Variants in ISYNA1 observed in about 807,000 individuals in gnomAD.
ISYNA1 encodes the protein MI-1-P synthase.
Under a neutral mutation model 50.3 loss-of-function variants are expected in ISYNA1, and 34 were observed. That is an observed-to-expected ratio of 0.68 (90% CI 0.51 to 0.90). The LOEUF (loss-of-function observed/expected upper bound fraction) is 0.90, where lower values mean the gene tolerates loss of function less well. ISYNA1 is among the 40% of genes least tolerant of loss of function. The pLI is 0.00. For missense variants in ISYNA1, 718 were observed against 784.8 expected (o/e 0.91, Z 1.02); for synonymous variants, 396 against 349.9 (o/e 1.13, Z -1.47).
Position 18,437,990 on chromosome 19 carries a change from T to C in ISYNA1, c.-9-2A>G. On this transcript the variant is annotated splice_acceptor_variant, in intron 1 of 10. Coordinates refer to ENST00000338128, the MANE Select transcript of ISYNA1 (RefSeq NM_016368.5). LOFTEE classifies it low-confidence loss of function (5UTR_SPLICE). ...GGCGGCGGCCTCCATCGCGGCGGGC[T>C]GGGGGCCCGGGGTGAGCAGGGGGTC... 2 of 1,559,222 alleles carry C rather than the reference T, an allele frequency of 1.3e-6. No homozygotes were observed. The highest frequency in any genetic ancestry group is 8.7e-7 in the Non-Finnish European group (1 of 1,154,522).
chr19:18,436,657 A>G (rs368377568), intron 5 of ISYNA1, 27 bp downstream of exon 5: 27 of 1,582,124 alleles, frequency 1.7e-5, no homozygotes, highest in Non-Finnish European at 2.3e-5. Context: ...GGTGGCAGGA[A>G]GCAAGGGATG....
rs759134098 is a variant in ISYNA1 at position 18,436,546 on chromosome 19, C to T, written c.610-67G>A. On this transcript the variant is annotated intron_variant, in intron 5 of 10. Transcript: ENST00000338128. ...TGTAGGGAAGTTGGTTGTACATACT[C>T]TCGGACTCACAGAGGCCTGGGCTAC... 5.6e-6 allele frequency: 9 copies of T among 1,598,702 alleles called. No homozygotes were observed. In the South Asian group the frequency reaches 8.8e-5, roughly 16 times the overall value.
chr19:18,437,337 C>T, intron 3 of ISYNA1: 1 of 1,401,738 alleles, frequency 7.1e-7, no homozygotes, highest in South Asian at 1.6e-5. Flanking sequence ...TCGCGAAACC[C>T]TTCCACGGGG....
Position 18,437,604 on chromosome 19 carries a change from G to C in ISYNA1, c.277C>G (p.Arg93Gly). 6.9e-7 allele frequency: 1 copy of C among 1,446,188 alleles called. No homozygotes were observed. The highest frequency in any genetic ancestry group is 9.1e-7 in the Non-Finnish European group (1 of 1,096,642). 89.6% of individuals were successfully genotyped at this position (1,446,188 alleles called of 1,614,324 possible). A position where few individuals can be genotyped will look rare whatever the true frequency, so the allele number is the denominator to read the frequency against. Residue 93 changes from arginine (R) to glycine (G), a missense_variant, in exon 3 of 11, where the codon CGC becomes GGC. Coordinates refer to ENST00000338128, the MANE Select transcript of ISYNA1 (RefSeq NM_016368.5). ...CACGCCCCTCCCGCCCCCACCTTGC[G>C]GCCGCTGCGCGTGGGCCAGGACAAA... ...LRLSWPTRSG[R>G]KEANYYGSLT...
In ISYNA1 at chr19:18,437,078, G is replaced by C; in HGVS notation, c.310C>G (p.Gln104Glu). Residue 104 changes from glutamine (Q) to glutamate (E), a missense_variant, in exon 4 of 11, where the codon CAG becomes GAG. By Grantham distance (29) the Gln-to-Glu change is conservative (BLOSUM62 2). Coordinates refer to ENST00000338128, the MANE Select transcript of ISYNA1 (RefSeq NM_016368.5). ...AGGCCCAGGCTCACGGTGCCCGCCT[G>C]AGTCAGCGAGCCGTAGTAGTTGGCC... is the stretch of plus-strand genomic sequence containing the variant. ...KEANYYGSLT[Q>E]AGTVSLGLDA... 6.4e-7 allele frequency: 1 copy of C among 1,573,948 alleles called. No individual in the cohort carries two copies. Among genetic ancestry groups the C allele is most frequent in the Non-Finnish European group, 8.6e-7 (1 of 1,163,778 alleles).
chr19:18,437,869 G>A lies in ISYNA1; in HGVS notation c.111C>T (p.Gly37=), dbSNP rs1211556544. ...CAGCCCCCTGGTCCACCTTGAGAAC[G>A]CCACCCTCGCGGCTGACGCGCGTCG... ...YRTTRVSREG[G]VLKVHPTSTR... is the part of the protein sequence containing the mutation. The change falls in exon 2 of 11, where the codon GGC becomes GGT. Residue 37 remains glycine (G), a synonymous_variant. Transcript: ENST00000338128. The A allele has an allele frequency of 1.2e-6, 2 of 1,611,738 alleles. No individual in the cohort carries two copies. The highest frequency in any genetic ancestry group is 1.7e-6 in the Non-Finnish European group (2 of 1,179,786).
In ISYNA1 at chr19:18,437,040, G is replaced by A. The variant is rs2144857146; in HGVS notation, c.348C>T (p.Gly116=). ...CGCTGAAGGGTACGAACACCTCCTGGCCCTCGGCGTCCAGGCCCAGGCTCA... is the reference window on the plus strand; with the variant it reads ...CGCTGAAGGGTACGAACACCTCCTGACCCTCGGCGTCCAGGCCCAGGCTCA... The part of the protein sequence containing the change: ...GTVSLGLDAE[G]QEVFVPFSAV... Residue 116 remains glycine (G), a synonymous_variant, in exon 4 of 11, where the codon GGC becomes GGT. Coordinates refer to ENST00000338128, the MANE Select transcript of ISYNA1 (RefSeq NM_016368.5). The A allele has an allele frequency of 1.2e-6, 2 of 1,608,226 alleles. No individual in the cohort carries two copies. The highest frequency in any genetic ancestry group is 2.2e-5 in the East Asian group (1 of 44,706).
At chr19:18,435,716 C>T in intron 8 of ISYNA1, 40 bp from the exon 9 acceptor site, 1 of 1,611,086 alleles carries the variant, frequency 6.2e-7, no homozygotes, top group Admixed American at 1.7e-5. Flanking sequence ...CCTGCCACCC[C>T]TCGCCGGGCA....
At chr19:18,437,530 A>G in intron 3 of ISYNA1, 69 bp downstream of exon 3, 1 of 492,026 alleles carries the variant, frequency 2.0e-6, no homozygotes. Context: ...CGCCCCCTGC[A>G]GGCTCCCGCC....
intron 3 of ISYNA1, 35 bp downstream of exon 3, chr19:18,437,564 A>G: frequency 7.9e-7 from 1 of 1,265,998 alleles, no homozygotes; most frequent in Non-Finnish European, 1.0e-6. Flanking sequence ...ACTCCCACCA[A>G]GCCTCCCTAC....
Position 18,434,759 on chromosome 19 carries a change from G to A in ISYNA1, c.*154C>T, listed in dbSNP as rs933289209. On this transcript the variant is annotated 3_prime_UTR_variant, in exon 11 of 11. Coordinates refer to ENST00000338128, the MANE Select transcript of ISYNA1 (RefSeq NM_016368.5). ...GACTGAAGCTGGGCGCTCAAGAGTC[G>A]GGGAAGTAGAGGGAGGCAGAGTCAG... The A allele has an allele frequency of 1.4e-5, 9 of 657,462 alleles. No individual in the cohort carries two copies. The highest frequency in any genetic ancestry group is 3.6e-5 in the African/African-American group (2 of 55,328). 40.7% of individuals were successfully genotyped at this position (657,462 alleles called of 1,614,324 possible).
intron 3 of ISYNA1, 128 bp from the exon 4 acceptor site, chr19:18,437,233 C>A (rs1487190902): frequency 1.7e-5 from 24 of 1,443,946 alleles, no homozygotes; most frequent in Admixed American, 1.0e-4. Flanking sequence ...AGGCTCACAG[C>A]CAGGACGGAA....
intron 10 of ISYNA1, 72 bp downstream of exon 10, chr19:18,435,194 C>T (rs1255452155): frequency 2.5e-6 from 4 of 1,597,196 alleles, no homozygotes; most frequent in African/African-American, 2.8e-5. Flanking sequence ...CCTACAGCCC[C>T]CCAAGCCCTG....
chr19:18,437,358 G>A, intron 3 of ISYNA1: 1 of 1,359,718 alleles, frequency 7.4e-7, no homozygotes, highest in Non-Finnish European at 9.6e-7. Context: ...TCCGCCTGCA[G>A]CCAGGCCCCG....
At chr19:18,437,576 C>A in intron 3 of ISYNA1, 23 bp downstream of exon 3, 1 of 1,446,616 alleles carries the variant, frequency 6.9e-7, no homozygotes, top group African/African-American at 1.5e-5. Context: ...CCTCCCTACC[C>A]ACCACGCCCC....
intron 10 of ISYNA1, 46 bp downstream of exon 10, chr19:18,435,220 G>A (rs1600388225): frequency 1.6e-6 from 1 of 638,730 alleles, no homozygotes; most frequent in African/African-American, 2.0e-4. Context: ...AGCTTAGCCA[G>A]GGGGGTATCT....
Position 18,436,481 on chromosome 19 carries a change from T to C in ISYNA1, c.610-2A>G. On this transcript the variant is annotated splice_acceptor_variant, in intron 5 of 10. Transcript: ENST00000338128. LOFTEE classifies it high-confidence loss of function. ...GATGTCCCTGCGGATCTGCTCCAGCTGTGGGTTGGATGGTGAGGGTGTGGG... is the reference window on the plus strand; with the variant it reads ...GATGTCCCTGCGGATCTGCTCCAGCCGTGGGTTGGATGGTGAGGGTGTGGG... The C allele has an allele frequency of 6.2e-7, 1 of 1,604,242 alleles. No homozygotes were observed. The highest frequency in any genetic ancestry group is 8.5e-7 in the Non-Finnish European group (1 of 1,179,816).
chr19:18,435,373 G>A lies in ISYNA1; in HGVS notation c.1365C>T (p.Pro455=), dbSNP rs777569552. The A allele has an allele frequency of 2.1e-5, 34 of 1,611,230 alleles. No homozygotes were observed. The highest frequency in any genetic ancestry group is 3.3e-5 in the Admixed American group (2 of 60,008). ...AGAGGAAGCTGAGCAGGGACAGCAC[G>A]GGGTGGAAGGTCTGCGGCTCGGGGT... ...DMDPEPQTFH[P]VLSLLSFLFK... is the part of the protein sequence containing the mutation. The change falls in exon 10 of 11, where the codon CCC becomes CCT. Residue 455 remains proline, a synonymous_variant. Transcript: ENST00000338128.
Position 18,435,948 on chromosome 19 carries a change from G to C in ISYNA1, c.976-27C>G, listed in dbSNP as rs754457067. ...TGTGGGTACAAGGGAAGCCCCAGCAGCTGCAGGCCCTGCGGCCCCACAAGC... is the reference window on the plus strand; with the variant it reads ...TGTGGGTACAAGGGAAGCCCCAGCACCTGCAGGCCCTGCGGCCCCACAAGC... On this transcript the variant is annotated intron_variant, in intron 7 of 10. Coordinates refer to ENST00000338128, the MANE Select transcript of ISYNA1 (RefSeq NM_016368.5). The C allele has an allele frequency of 2.5e-6, 4 of 1,613,424 alleles. No individual in the cohort carries two copies. The Admixed American group carries it at 6.7e-5, about 27-fold the overall frequency.
Sources: allele counts gnomAD v4.1 joint callset, GRCh38; gene constraint gnomAD v4.1.1; transcripts MANE v1.5; gene names NCBI Gene and HGNC (gene_info 2026-07-23, HGNC 2026-07-21).